CPLANE1: variants seen among roughly 807,000 people sequenced by gnomAD.
The protein encoded by CPLANE1 is ciliogenesis and planar polarity effector 1.
In CPLANE1, 263 loss-of-function variants were observed where a neutral mutation model predicts 362.5. The ratio of observed to expected loss-of-function variants is 0.73; its 90% confidence interval spans 0.66 to 0.80. The LOEUF (loss-of-function observed/expected upper bound fraction) is 0.80. Among genes scored for constraint, CPLANE1 ranks in the 30% least tolerant of loss-of-function variants. The pLI, the probability that CPLANE1 is intolerant of heterozygous loss-of-function variation, is 0.00. For synonymous variants in CPLANE1, 1,212 were observed against 1,302.6 expected (o/e 0.93, Z 1.50); for missense variants, 3,461 against 3,793.4 (o/e 0.91, Z 2.30).
intron 2 of CPLANE1, among the ~76,000 whole-genome samples, chr5:37,247,031 G>C (rs759522124): frequency 5.3e-5 from 8 of 152,222 alleles, no homozygotes; most frequent in Admixed American, 5.2e-4. Flanking sequence ...CTGATAGTTT[G>C]AGAACTCCTG....
chr5:37,092,445 T>C, the CPLANE1 span, among the ~76,000 whole-genome samples: 1 of 152,210 alleles, frequency 6.6e-6, no homozygotes, highest in African/African-American at 2.4e-5. Context: ...CTTCCTGTGC[T>C]AAAGGACAAA....
chr5:37,198,773 C>A lies in CPLANE1; in HGVS notation c.3601G>T (p.Ala1201Ser). ...LQRVLLLFRA[A>S]QCSFPVAQWY... is the part of the protein sequence containing the mutation. ...TGTGCTACAGGAAAAGAACACTGAG[C>A]CGCCCGGAAAAGCAGGAGAACACGC... The change falls in exon 20 of 53, where the codon GCT (alanine) becomes TCT (serine). Residue 1201 changes from alanine to serine, a missense_variant. This residue lies in a region of CPLANE1 where 3,380 missense variants were observed against 3,666.1 expected (regional missense o/e 0.92). Transcript: ENST00000651892. 1 of 1,614,068 alleles carries A rather than the reference C, an allele frequency of 6.2e-7. No individual in the cohort carries two copies. The highest frequency in any genetic ancestry group is 8.5e-7 in the Non-Finnish European group (1 of 1,180,022).
At chr5:37,158,450 G>A (rs1381748071) in intron 38 of CPLANE1, 105 bp from the exon 39 acceptor site, 1 of 1,118,078 alleles carries the variant, frequency 8.9e-7, no homozygotes, top group Non-Finnish European at 1.2e-6. Flanking sequence ...AACATAAATT[G>A]TACTTCTTGA....
Position 37,245,697 on chromosome 5 carries a change from A to T in CPLANE1, c.217+13T>A. The T allele has an allele frequency of 6.7e-7, 1 of 1,488,938 alleles. No individual in the cohort carries two copies. The highest frequency in any genetic ancestry group is 8.9e-7 in the Non-Finnish European group (1 of 1,120,274). The allele number at this position is 1,488,938 out of a possible 1,614,324, so 92.2% of individuals were successfully genotyped here. A position where few individuals can be genotyped will look rare whatever the true frequency, so the allele number is the denominator to read the frequency against. On this transcript the variant is annotated intron_variant, in intron 3 of 52. Coordinates refer to ENST00000651892, the MANE Select transcript of CPLANE1 (RefSeq NM_001384732.1). ...ATAGTTTTAGCCATTTGAAAATATCAGTACTACTTAACCATTACTGGATGT... is the reference window on the plus strand; with the variant it reads ...ATAGTTTTAGCCATTTGAAAATATCTGTACTACTTAACCATTACTGGATGT...
At chr5:37,155,388 T>G (rs575728886) in intron 41 of CPLANE1, among the ~76,000 whole-genome samples, 1 of 152,350 alleles carries the variant, frequency 6.6e-6, no homozygotes, top group East Asian at 1.9e-4. Flanking sequence ...TCTTTTCTTT[T>G]CTTTGAGACA....
intron 35 of CPLANE1, 127 bp from the exon 36 acceptor site, chr5:37,165,798 T>A: frequency 2.4e-6 from 2 of 847,962 alleles, no homozygotes; most frequent in Non-Finnish European, 3.5e-6. Flanking sequence ...AGCATTTAAT[T>A]AAATTGGCAA....
downstream of CPLANE1, among the ~76,000 whole-genome samples, chr5:37,102,263 C>T (rs116648365): frequency 0.017 from 2,595 of 152,198 alleles, 59 homozygotes; most frequent in African/African-American, 0.052. Context: ...TCTTGGTTCA[C>T]TGCACCCTCC....
At chr5:37,085,273 G>T in the CPLANE1 span, 1 of 899,396 alleles carries the variant, frequency 1.1e-6, no homozygotes. Flanking sequence ...AAGGTTGATG[G>T]CAAGGTACGA....
At chr5:37,133,497 G>GGTGTGTGT (rs70976279) in intron 46 of CPLANE1, among the ~76,000 whole-genome samples, 2 of 148,646 alleles carry the variant, frequency 1.3e-5, no homozygotes, top group South Asian at 2.1e-4. Context: ...TTTGGTTAGA[G>GGTGTGTGT]GTGTGTGTGT....
chr5:37,236,692 G>T (rs146733448), intron 8 of CPLANE1, among the ~76,000 whole-genome samples: 157 of 144,220 alleles, frequency 1.1e-3, no homozygotes, highest in Admixed American at 1.7e-3. Flanking sequence ...TAATATCTAG[G>T]ATCTATGAGA....
At chr5:37,120,167 A>T in intron 50 of CPLANE1, 49 bp downstream of exon 50, 2 of 1,561,928 alleles carry the variant, frequency 1.3e-6, no homozygotes, top group Non-Finnish European at 1.7e-6. Flanking sequence ...TGGAGACAAG[A>T]AGGAATAGGT....
At chr5:37,172,410 T>C (rs1780053477) in intron 32 of CPLANE1, among the ~76,000 whole-genome samples, 1 of 152,182 alleles carries the variant, frequency 6.6e-6, no homozygotes, top group African/African-American at 2.4e-5. Flanking sequence ...AAGGCAAAGA[T>C]GACTTTTGAA....
At chr5:37,142,822 A>G (rs917889253) in intron 43 of CPLANE1, among the ~76,000 whole-genome samples, 4 of 152,222 alleles carry the variant, frequency 2.6e-5, no homozygotes, top group African/African-American at 9.6e-5. Flanking sequence ...AGGAACTCAT[A>G]GCTGGAGCAG....
In CPLANE1 at chr5:37,169,300, G is replaced by T. The variant is rs752372376; in HGVS notation, c.6724C>A (p.His2242Asn). 2.7e-5 allele frequency: 43 copies of T among 1,614,062 alleles called. No individual in the cohort carries two copies. Among genetic ancestry groups the T allele is most frequent in the Non-Finnish European group, 3.6e-5 (43 of 1,180,042 alleles). ...SKQEFQPLFL[H>N]TGSIPQVPFR... ...GGAACTTGTGGAATACTTCCTGTAT[G>T]TAAGAAAAGGGGCTGGAATTCTTGT... Residue 2242 changes from histidine to asparagine, a missense_variant, in exon 34 of 53, where the codon CAT (histidine) becomes AAT (asparagine). By Grantham distance (68) the His-to-Asn change is moderately conservative (BLOSUM62 1). Coordinates refer to ENST00000651892, the MANE Select transcript of CPLANE1 (RefSeq NM_001384732.1).
At chr5:37,113,251 G>C (rs1759861165) in intron 51 of CPLANE1, among the ~76,000 whole-genome samples, 2 of 152,204 alleles carry the variant, frequency 1.3e-5, no homozygotes, top group Admixed American at 6.5e-5. Flanking sequence ...CATGGGGGCA[G>C]TTACCTTCAT....
intron 24 of CPLANE1, 72 bp downstream of exon 24, chr5:37,186,214 A>G (rs1040353957): frequency 2.4e-6 from 2 of 817,374 alleles, no homozygotes; most frequent in Admixed American, 4.0e-5. Flanking sequence ...AACAGTAAAT[A>G]AATATTTTCA....
the CPLANE1 span, among the ~76,000 whole-genome samples, chr5:37,095,459 A>C: frequency 6.6e-6 from 1 of 152,348 alleles, no homozygotes; most frequent in African/African-American, 2.4e-5. Flanking sequence ...CATCTTTGAC[A>C]AACCCACAGC....
At chr5:37,163,613 A>C (rs1427840633) in intron 37 of CPLANE1, among the ~76,000 whole-genome samples, 2 of 152,224 alleles carry the variant, frequency 1.3e-5, no homozygotes, top group Non-Finnish European at 2.9e-5. Context: ...TTTGGTCTAC[A>C]AAGACCCAGT....
chr5:37,204,049 T>C (rs1012165723), intron 18 of CPLANE1, among the ~76,000 whole-genome samples: 19 of 152,230 alleles, frequency 1.2e-4, no homozygotes, highest in African/African-American at 4.1e-4. Context: ...TATGTATTTA[T>C]CGTGGAAGAG....
Sources: allele counts gnomAD v4.1 joint callset (sites outside exome capture counted in the v4.1 genomes callset), GRCh38; gene constraint gnomAD v4.1.1; regional missense constraint gnomAD v4.1.1; transcripts MANE v1.5; gene names NCBI Gene and HGNC (gene_info 2026-07-23, HGNC 2026-07-21).